HERC2: variants seen among roughly 807,000 people sequenced by gnomAD.
HERC2 encodes the protein E3 ubiquitin-protein ligase HERC2.
Under a neutral mutation model 537.7 loss-of-function variants are expected in HERC2, and 102 were observed. That is an observed-to-expected ratio of 0.19 (90% confidence interval 0.16 to 0.22). The LOEUF is 0.22. HERC2 is among the 10% of genes least tolerant of loss of function. HERC2 has a pLI of 1.00. For missense variants in HERC2, 4,236 were observed against 6,198.2 expected (o/e 0.68, Z 10.63); for synonymous variants, 2,224 against 2,466.2 (o/e 0.90, Z 2.91).
intron 44 of HERC2, among the ~76,000 whole-genome samples, chr15:28,209,414 C>G (rs925311817): frequency 1.1e-4 from 16 of 151,906 alleles, no homozygotes; most frequent in Admixed American, 7.9e-4. Context: ...CACGATCTCG[C>G]CTCACTGCAA....
At chr15:28,279,614 TCC>T (rs1491238319) in intron 5 of HERC2, among the ~76,000 whole-genome samples, 1 of 116,030 alleles carries the variant, frequency 8.6e-6, no homozygotes, top group African/African-American at 5.2e-5. Flanking sequence ...AGACCCCATC[TCC>T]ACACACACAC....
chr15:28,272,445 TG>T (rs2075761320), intron 8 of HERC2, 59 bp from the exon 9 acceptor site: 2 of 1,476,518 alleles, frequency 1.4e-6, no homozygotes, highest in Non-Finnish European at 1.9e-6. Context: ...TCTTCACAGT[TG>T]ATCAAAAATA....
At chr15:28,117,529 T>A in intron 86 of HERC2, 1 of 532,458 alleles carries the variant, frequency 1.9e-6, no homozygotes, top group Non-Finnish European at 3.6e-6. Flanking sequence ...CTTCACCATC[T>A]TGCCACGACC....
intron 4 of HERC2, among the ~76,000 whole-genome samples, chr15:28,284,919 G>GAAAAAAAAAAAAAAAAAAAAAA (rs551327935): frequency 3.1e-5 from 1 of 32,526 alleles, no homozygotes; most frequent in Non-Finnish European, 6.4e-5. Flanking sequence ...CTCCGTCTCG[G>GAAAAAAAAAAAAAAAAAAAAAA]AAAAAAAAAA....
chr15:28,272,139 C>T, intron 9 of HERC2, 76 bp downstream of exon 9: 3 of 1,309,694 alleles, frequency 2.3e-6, no homozygotes, highest in Middle Eastern at 2.7e-4. Flanking sequence ...CTGCCGTTGA[C>T]ATGCATGCTA....
chr15:28,118,873 A>G (rs537169244), intron 86 of HERC2, among the ~76,000 whole-genome samples: 35 of 152,362 alleles, frequency 2.3e-4, no homozygotes, highest in Non-Finnish European at 4.3e-4. Flanking sequence ...CCTGAACGGG[A>G]AGGAGCCACC....
intron 45 of HERC2, chr15:28,203,507 C>A (rs1206843901): frequency 1.3e-5 from 2 of 152,056 alleles, no homozygotes; most frequent in Non-Finnish European, 2.9e-5. Context: ...ACTGGACTAA[C>A]CTTTGGCTGA....
chr15:28,317,121 T>C (rs112686221), intron 2 of HERC2, among the ~76,000 whole-genome samples: 52 of 151,870 alleles, frequency 3.4e-4, no homozygotes, highest in African/African-American at 1.2e-3. Context: ...GATGGAGTCT[T>C]GCTGTGTTGG....
chr15:28,201,606 T>C, intron 47 of HERC2, 52 bp from the exon 48 acceptor site: 1 of 1,109,156 alleles, frequency 9.0e-7, no homozygotes, highest in Non-Finnish European at 1.4e-6. Flanking sequence ...ATGATAAACC[T>C]ACTCAAAAAG....
At chr15:28,301,735 G>GTGTGTATATA (rs1468330361) in intron 2 of HERC2, among the ~76,000 whole-genome samples, 2 of 35,376 alleles carry the variant, frequency 5.7e-5, no homozygotes, top group African/African-American at 2.1e-4. Flanking sequence ...GTATGTATGT[G>GTGTGTATATA]TATATATATA....
intron 43 of HERC2, among the ~76,000 whole-genome samples, chr15:28,211,731 G>A (rs138666696): frequency 0.021 from 3,159 of 152,290 alleles, 100 homozygotes; most frequent in African/African-American, 0.072. Flanking sequence ...CGGACATGTG[G>A]TGATTTGCAT....
rs1432368332 is a variant in HERC2, at chr15:28,214,639, G to A, written c.6358+16C>T. On this transcript the variant is annotated intron_variant, in intron 40 of 92. Coordinates refer to ENST00000261609, the MANE Select transcript of HERC2 (RefSeq NM_004667.6). ...CGCTCTTCACCAGGGCACAGGGAAGGTAGACGGCCACCCACCTCTGAGTAA... is the reference window on the plus strand; with the variant it reads ...CGCTCTTCACCAGGGCACAGGGAAGATAGACGGCCACCCACCTCTGAGTAA... 1.2e-6 allele frequency: 2 copies of A among 1,610,412 alleles called. No homozygotes were observed. The highest frequency in any genetic ancestry group is 8.5e-7 in the Non-Finnish European group (1 of 1,179,660).
At chr15:28,283,190 A>T (rs990032550) in intron 4 of HERC2, among the ~76,000 whole-genome samples, 1 of 152,148 alleles carries the variant, frequency 6.6e-6, no homozygotes, top group Non-Finnish European at 1.5e-5. Context: ...TTGGCAAGAG[A>T]CATAAATCTA....
rs1893782749 is a variant in HERC2, at chr15:28,163,100, G to A, written c.10740C>T (p.Tyr3580=). Residue 3580 remains tyrosine (Y), a synonymous_variant, in exon 69 of 93, where the codon TAC becomes TAT. Transcript: ENST00000261609. ...SAVLSGMGTA[Y]PQVADMLLEL... is the part of the protein sequence containing the mutation. Reference sequence around the variant, plus strand: ...CGCCCTCCCTGAGACTCACCTGTGGGTAGGCGGTCCCCATGCCGGAAAGCA... The same window carrying A: ...CGCCCTCCCTGAGACTCACCTGTGGATAGGCGGTCCCCATGCCGGAAAGCA... 2 of 1,608,932 alleles carry A rather than the reference G, an allele frequency of 1.2e-6. No homozygotes were observed. The highest frequency in any genetic ancestry group is 1.3e-5 in the African/African-American group (1 of 74,976).
intron 65 of HERC2, among the ~76,000 whole-genome samples, chr15:28,172,007 A>G (rs1202900556): frequency 1.3e-5 from 2 of 151,426 alleles, no homozygotes; most frequent in Admixed American, 6.6e-5. Flanking sequence ...CCCGGGAAGC[A>G]GAGCTTGCAG....
chr15:28,262,804 CAT>C, intron 15 of HERC2, 112 bp downstream of exon 15: 1 of 1,132,316 alleles, frequency 8.8e-7, no homozygotes, highest in Non-Finnish European at 1.3e-6. Flanking sequence ...AGGTTAAGAA[CAT>C]AAAACCTGCT....
At chr15:28,258,677 G>A (rs2075334365) in intron 16 of HERC2, among the ~76,000 whole-genome samples, 1 of 152,004 alleles carries the variant, frequency 6.6e-6, no homozygotes, top group African/African-American at 2.4e-5. Context: ...TCCGCCTTAA[G>A]AAACTAGAAA....
intron 23 of HERC2, among the ~76,000 whole-genome samples, chr15:28,239,258 C>T (rs1198930472): frequency 6.6e-6 from 1 of 152,096 alleles, no homozygotes; most frequent in Non-Finnish European, 1.5e-5. Context: ...CAACTAAATG[C>T]ATGCTTGAGG....
At chr15:28,163,569 G>T (rs1893831612) in intron 68 of HERC2, among the ~76,000 whole-genome samples, 1 of 152,194 alleles carries the variant, frequency 6.6e-6, no homozygotes, top group African/African-American at 2.4e-5. Context: ...CTGGGACCAA[G>T]TTTGGATCAT....
Sources: gnomAD v4.1 joint callset for allele counts (sites outside exome capture counted in the v4.1 genomes callset) on GRCh38, gnomAD v4.1.1 for gene constraint, MANE v1.5 for transcripts, NCBI Gene and HGNC (gene_info 2026-07-23, HGNC 2026-07-21) for gene names.